The following CCDC178 variants were observed in gnomAD, a reference collection of about 807,000 sequenced individuals.
CCDC178 encodes the protein coiled-coil domain containing 178.
In CCDC178, 126 loss-of-function variants were observed where a neutral mutation model predicts 117.4. The observed-to-expected ratio is 1.07, with a 90% CI of 0.93 to 1.24. The LOEUF (loss-of-function observed/expected upper bound fraction) is 1.24. Among genes scored for constraint, CCDC178 ranks in the 50% most tolerant of loss-of-function variants. The pLI is 0.00. For synonymous variants in CCDC178, 283 were observed against 313.4 expected (o/e 0.90, Z 1.02); for missense variants, 1,030 against 986.9 (o/e 1.04, Z -0.59).
chr18:33,229,600 G>A (rs1213147545), intron 15 of CCDC178, among the ~76,000 whole-genome samples: 1 of 152,114 alleles, frequency 6.6e-6, no homozygotes, highest in Non-Finnish European at 1.5e-5. Context: ...GGCAATTGAT[G>A]GAACCAGGAT....
In CCDC178 at chr18:33,232,981, T is replaced by C. The variant is rs192740782; in HGVS notation, c.1594-6126A>G. On this transcript the variant is annotated intron_variant, in intron 15 of 22. Coordinates refer to ENST00000383096, the MANE Select transcript of CCDC178 (RefSeq NM_001105528.4). ...AAATTTGTATATTTAAAATTTCCTA[T>C]TATATGTTATTAGTATATATTCATG... Among the ~76,000 whole-genome samples the C allele has an allele frequency of 4.9e-4, 74 of 152,292 alleles. 1 individual carries two copies. The South Asian group carries it at 5.2e-3, about 11-fold the overall frequency.
At chr18:33,389,881 T>C (rs1288595725) in intron 4 of CCDC178, among the ~76,000 whole-genome samples, 1 of 151,654 alleles carries the variant, frequency 6.6e-6, no homozygotes, top group African/African-American at 2.4e-5. Flanking sequence ...AACAGATAAG[T>C]TATTATGTGT....
chr18:33,258,145 C>T (rs2059701676), intron 14 of CCDC178, among the ~76,000 whole-genome samples: 1 of 152,148 alleles, frequency 6.6e-6, no homozygotes, highest in Admixed American at 6.5e-5. Context: ...GTCCATCCAT[C>T]ACTAAGCAGC....
intron 20 of CCDC178, among the ~76,000 whole-genome samples, chr18:33,101,638 AC>A (rs889075247): frequency 1.3e-4 from 20 of 151,944 alleles, no homozygotes; most frequent in African/African-American, 3.9e-4. Flanking sequence ...TAATTATGCA[AC>A]TTTAAAAGGT....
At chr18:33,172,422 T>C (rs1379403606) in intron 20 of CCDC178, among the ~76,000 whole-genome samples, 2 of 152,022 alleles carry the variant, frequency 1.3e-5, no homozygotes, top group African/African-American at 4.8e-5. Flanking sequence ...ATGTAAAATA[T>C]ATAATATGCA....
At chr18:32,961,997 G>T (rs563045900) in intron 22 of CCDC178, among the ~76,000 whole-genome samples, 1 of 32,126 alleles carries the variant, frequency 3.1e-5, no homozygotes, top group East Asian at 9.5e-4. Flanking sequence ...TTTCTTTACT[G>T]TCTTTTTTTT....
intron 19 of CCDC178, among the ~76,000 whole-genome samples, chr18:33,212,675 GA>G (rs1334151544): frequency 6.6e-6 from 1 of 151,928 alleles, no homozygotes; most frequent in Non-Finnish European, 1.5e-5. Context: ...TAAGATGATA[GA>G]TTTTTTTATT....
chr18:33,358,099 T>C (rs1049888854), intron 6 of CCDC178, among the ~76,000 whole-genome samples: 5 of 152,052 alleles, frequency 3.3e-5, no homozygotes, highest in African/African-American at 1.2e-4. Flanking sequence ...TATAGCACAA[T>C]GTATTTGTGT....
chr18:33,435,801 A>G (rs1185518086), intron 2 of CCDC178, among the ~76,000 whole-genome samples: 1 of 151,786 alleles, frequency 6.6e-6, no homozygotes, highest in East Asian at 1.9e-4. Context: ...ATTTGATGAT[A>G]AATTAAATGC....
chr18:33,290,031 T>G (rs900992081), intron 12 of CCDC178, among the ~76,000 whole-genome samples: 1 of 152,116 alleles, frequency 6.6e-6, no homozygotes, highest in Non-Finnish European at 1.5e-5. Context: ...AAGCAAAATT[T>G]AGGAAAAATG....
At chr18:33,236,913 C>T (rs1037046398) in intron 15 of CCDC178, among the ~76,000 whole-genome samples, 5 of 152,190 alleles carry the variant, frequency 3.3e-5, no homozygotes, top group African/African-American at 1.2e-4. Context: ...CCCACTGCCA[C>T]TGTAAATACC....
intron 5 of CCDC178, among the ~76,000 whole-genome samples, chr18:33,383,320 G>C (rs1237325743): frequency 6.6e-6 from 1 of 152,106 alleles, no homozygotes. Context: ...GAGATCAGCT[G>C]ATCCTGACAA....
Position 33,332,846 on chromosome 18 carries a change from T to TTG in CCDC178, c.879+327_879+328insCA, listed in dbSNP as rs2062687386. On this transcript the variant is annotated intron_variant, in intron 10 of 22. Coordinates refer to ENST00000383096, the MANE Select transcript of CCDC178 (RefSeq NM_001105528.4). ...TCTGGCTCATCTCTAGCTCCTGGGC[T>TTG]TAAGCGATGCACCCACCTCAGCTTA... Among the ~76,000 whole-genome samples, 4 of 152,272 alleles carry TTG rather than the reference T, an allele frequency of 2.6e-5. No homozygotes were observed. The South Asian group carries it at 8.3e-4, about 32-fold the overall frequency.
chr18:33,236,901 C>T (rs2059432008), intron 15 of CCDC178, among the ~76,000 whole-genome samples: 1 of 152,128 alleles, frequency 6.6e-6, no homozygotes, highest in Non-Finnish European at 1.5e-5. Context: ...ACCTCATCAG[C>T]CCCCACTGCC....
chr18:33,429,955 C>T (rs532969187), intron 2 of CCDC178, among the ~76,000 whole-genome samples: 2 of 152,200 alleles, frequency 1.3e-5, no homozygotes, highest in South Asian at 4.1e-4. Flanking sequence ...TCTCTTCCAC[C>T]TAAAATGTAA....
chr18:32,942,142 G>A (rs1216545289), intron 22 of CCDC178, among the ~76,000 whole-genome samples: 1 of 152,080 alleles, frequency 6.6e-6, no homozygotes, highest in Non-Finnish European at 1.5e-5. Context: ...AAGTTCACAT[G>A]GTTTGTAAAG....
At chr18:33,267,689 A>G (rs1303699494) in intron 12 of CCDC178, among the ~76,000 whole-genome samples, 2 of 151,488 alleles carry the variant, frequency 1.3e-5, no homozygotes, top group Admixed American at 1.3e-4. Context: ...ATGCTTTAGG[A>G]AAGACTAGGT....
In CCDC178 at chr18:33,223,153, AT is replaced by A. The variant is rs1568068136; in HGVS notation, c.1884del (p.Lys628AsnfsTer13). The stretch of plus-strand genomic sequence containing the variant: ...AGGGTTTTCTTCCCCTTTTTTCGTA[AT>A]TTTTTCTTTACTTTTCCCACCTTTC... Reference protein sequence around the residue: ...IRRKVGKVKKKLRKKGKKTLD... With the variant: ...IRRKVGKVKKXLRKKGKKTLD... On this transcript the variant is annotated frameshift_variant, in exon 18 of 23. Transcript: ENST00000383096. LOFTEE classifies it high-confidence loss of function. 5 of 1,606,584 alleles carry A rather than the reference AT, an allele frequency of 3.1e-6. 1 individual carries two copies. Among genetic ancestry groups the A allele is most frequent in the African/African-American group, 2.7e-5 (2 of 74,444 alleles).
intron 5 of CCDC178, among the ~76,000 whole-genome samples, chr18:33,378,278 T>C (rs1812648012): frequency 6.6e-6 from 1 of 152,226 alleles, no homozygotes; most frequent in Non-Finnish European, 1.5e-5. Context: ...GCTGCTGAAT[T>C]TTGTACATTA....
Sources: gnomAD v4.1 joint callset for allele counts (sites outside exome capture counted in the v4.1 genomes callset) on GRCh38, gnomAD v4.1.1 for gene constraint, MANE v1.5 for transcripts, NCBI Gene and HGNC (gene_info 2026-07-23, HGNC 2026-07-21) for gene names.